The following FRMPD4 variants were observed in gnomAD, a reference collection of about 807,000 sequenced individuals.
FRMPD4 encodes FERM and PDZ domain containing 4, also known as FERM and PDZ domain-containing protein 4.
Under a neutral mutation model 94.1 loss-of-function variants are expected in FRMPD4, and 22 were observed. The observed-to-expected ratio is 0.23, with a 90% CI of 0.17 to 0.33. The LOEUF is 0.33. Ranked by LOEUF, FRMPD4 falls within the 10% of genes least tolerant of loss-of-function variation. FRMPD4 has a pLI of 1.00. For synonymous variants in FRMPD4, 631 were observed against 548.6 expected (o/e 1.15, Z -2.10); for missense variants, 1,111 against 1,339.9 (o/e 0.83, Z 2.67).
intron 2 of FRMPD4, among the ~76,000 whole-genome samples, chrX:12,590,484 A>C (rs189172937): frequency 1.8e-5 from 2 of 112,172 alleles, no homozygotes; most frequent in African/African-American, 3.2e-5. Context: ...AAAGTTGACT[A>C]TACCAAGTTT....
intron 2 of FRMPD4, among the ~76,000 whole-genome samples, chrX:12,520,446 A>G (rs187772308): frequency 1.2e-3 from 139 of 111,852 alleles, no homozygotes; most frequent in Middle Eastern, 4.6e-3. Context: ...TTGTGCAACA[A>G]TGTGAATGCA....
At chrX:12,562,755 A>G (rs1282128376) in intron 2 of FRMPD4, among the ~76,000 whole-genome samples, 1 of 112,601 alleles carries the variant, frequency 8.9e-6, no homozygotes, top group Non-Finnish European at 1.9e-5. Context: ...GTATAGGCAG[A>G]GACAAATCTT....
At chrX:11,843,689 C>T (rs2053554530) in intron 1 of FRMPD4, among the ~76,000 whole-genome samples, 1 of 111,007 alleles carries the variant, frequency 9.0e-6, no homozygotes, top group Non-Finnish European at 1.9e-5. Context: ...TCCCAAGTAG[C>T]TGGGACTACA....
chrX:12,703,112 G>A (rs2041817193), intron 10 of FRMPD4, among the ~76,000 whole-genome samples: 1 of 112,599 alleles, frequency 8.9e-6, no homozygotes, highest in Admixed American at 9.4e-5. Flanking sequence ...AGAGATATCT[G>A]GCTTGAGTAA....
intron 1 of FRMPD4, among the ~76,000 whole-genome samples, chrX:12,478,522 G>T (rs1186045610): frequency 1.8e-5 from 2 of 112,244 alleles, no homozygotes; most frequent in Admixed American, 9.4e-5. Context: ...GGTCGAGGCT[G>T]CAGTGAGCCA....
At chrX:11,904,039 G>A (rs759184850) in intron 3 of FRMPD4, among the ~76,000 whole-genome samples, 1 of 111,426 alleles carries the variant, frequency 9.0e-6, no homozygotes, top group Non-Finnish European at 1.9e-5. Context: ...TCTCAGCCTC[G>A]CAAAGTGCTG....
At chrX:12,611,752 A>G (rs887899301) in intron 3 of FRMPD4, among the ~76,000 whole-genome samples, 1 of 112,443 alleles carries the variant, frequency 8.9e-6, no homozygotes, top group Non-Finnish European at 1.9e-5. Context: ...GACTTGTGCT[A>G]TCTGCTAAAC....
intron 2 of FRMPD4, among the ~76,000 whole-genome samples, chrX:12,518,665 A>G: frequency 8.9e-6 from 1 of 111,812 alleles, no homozygotes; most frequent in Non-Finnish European, 1.9e-5. Flanking sequence ...TGGCAAGGAC[A>G]CCCACTTTCA....
chrX:12,155,212 C>T, intron 1 of FRMPD4, among the ~76,000 whole-genome samples: 1 of 111,763 alleles, frequency 8.9e-6, no homozygotes, highest in Admixed American at 9.5e-5. Context: ...TTAATAATTT[C>T]ATTTTTATTC....
chrX:12,479,446 G>GTATATATGTATATATATGTATATACA (rs2057651310), intron 1 of FRMPD4, among the ~76,000 whole-genome samples: 1 of 35,765 alleles, frequency 2.8e-5, no homozygotes, highest in African/African-American at 9.5e-5. Context: ...ACACATATAT[G>GTATATATGTATATATATGTATATACA]TATATATATG....
intron 1 of FRMPD4, among the ~76,000 whole-genome samples, chrX:12,371,000 A>G (rs772632161): frequency 1.8e-5 from 2 of 112,037 alleles, no homozygotes; most frequent in Non-Finnish European, 3.8e-5. Flanking sequence ...CTCCTGATTA[A>G]GTGTGCTTCC....
At position 11,967,612 on chromosome X, in the gene FRMPD4, C is replaced by T. The variant is rs1601861399; in HGVS notation, c.95+89594C>T. On this transcript the variant is annotated intron_variant, in intron 3 of 18. Coordinates refer to the FRMPD4 transcript ENST00000640291. ...CAATGAGCACCTGCTCTTGTTGTCC[C>T]TCAGAACCAAATACTGGTCTTACTC... 3.6e-5 allele frequency among the ~76,000 whole-genome samples: 4 copies of T among 111,502 alleles called. 1 individual carries two copies. In the Admixed American group the frequency reaches 3.8e-4, roughly 11 times the overall value.
At chrX:12,717,417 G>C in intron 15 of FRMPD4, 84 bp from the exon 16 acceptor site, 1 of 651,752 alleles carries the variant, frequency 1.5e-6, no homozygotes, top group Non-Finnish European at 2.4e-6. Context: ...TTTTGTTTTA[G>C]TAATAACGAG....
chrX:12,328,290 T>C lies in FRMPD4; in HGVS notation c.42-170390T>C, dbSNP rs1307138171. ...TGTGAAAGATTTCTAAACTATAAAA[T>C]TCAATTTGTTGTTCAATCTGTTGTC... On this transcript the variant is annotated intron_variant, in intron 1 of 16. Transcript: ENST00000675598. 3.6e-5 allele frequency among the ~76,000 whole-genome samples: 4 copies of C among 112,172 alleles called. 1 individual carries two copies.
At chrX:12,273,467 A>G (rs2054385000) in intron 1 of FRMPD4, among the ~76,000 whole-genome samples, 1 of 112,520 alleles carries the variant, frequency 8.9e-6, no homozygotes, top group African/African-American at 3.2e-5. Context: ...AAAAGTTGAC[A>G]CAGATTATTT....
chrX:12,201,193 T>G (rs943400389), intron 1 of FRMPD4, among the ~76,000 whole-genome samples: 2 of 112,540 alleles, frequency 1.8e-5, no homozygotes, highest in African/African-American at 6.5e-5. Context: ...TTGTTTTCTA[T>G]GGATGGTAAG....
At chrX:12,592,442 C>T (rs2058991771) in intron 2 of FRMPD4, among the ~76,000 whole-genome samples, 1 of 111,894 alleles carries the variant, frequency 8.9e-6, no homozygotes, top group African/African-American at 3.2e-5. Context: ...TACCTTTCTG[C>T]CCCTACACAC....
chrX:11,866,118 C>G (rs970872137), intron 2 of FRMPD4, among the ~76,000 whole-genome samples: 1 of 111,773 alleles, frequency 8.9e-6, no homozygotes, highest in Non-Finnish European at 1.9e-5. Context: ...GAACGAAAAG[C>G]AGATTGGTCC....
intron 1 of FRMPD4, among the ~76,000 whole-genome samples, chrX:12,414,135 G>C (rs2056769029): frequency 8.9e-6 from 1 of 112,462 alleles, no homozygotes; most frequent in Non-Finnish European, 1.9e-5. Context: ...GAAGCACTTA[G>C]TGATCATTTA....
Sources: allele counts gnomAD v4.1 joint callset (sites outside exome capture counted in the v4.1 genomes callset), GRCh38; gene constraint gnomAD v4.1.1; transcripts MANE v1.5; gene names NCBI Gene and HGNC (gene_info 2026-07-23, HGNC 2026-07-21).